YAP1: variants seen among roughly 807,000 people sequenced by gnomAD.
YAP1 encodes transcriptional coactivator YAP1.
A neutral mutation model predicts 56.9 loss-of-function variants in YAP1; 5 were observed. The observed-to-expected ratio is 0.09, with a 90% CI of 0.05 to 0.18. The LOEUF (loss-of-function observed/expected upper bound fraction) is 0.18. Among genes scored for constraint, YAP1 ranks in the 10% least tolerant of loss-of-function variants. The pLI is 1.00. For synonymous variants in YAP1, 265 were observed against 248.1 expected (o/e 1.07, Z -0.64); for missense variants, 539 against 651.8 (o/e 0.83, Z 1.88).
intron 8 of YAP1, among the ~76,000 whole-genome samples, chr11:102,228,888 G>T (rs950795988): frequency 2.0e-5 from 3 of 151,992 alleles, no homozygotes; most frequent in African/African-American, 7.3e-5. Flanking sequence ...TATTCATCCA[G>T]CTCCTGGCTT....
intron 3 of YAP1, 147 bp from the exon 4 acceptor site, chr11:102,185,871 T>C (rs1406904358): frequency 2.7e-6 from 2 of 744,244 alleles, no homozygotes; most frequent in Non-Finnish European, 4.0e-6. Flanking sequence ...TAGGTTTACC[T>C]TTCTTCTCTG....
intron 6 of YAP1, among the ~76,000 whole-genome samples, chr11:102,216,650 A>G (rs929547362): frequency 1.6e-4 from 24 of 152,194 alleles, no homozygotes; most frequent in Non-Finnish European, 2.6e-4. Context: ...TTTCAGTTGA[A>G]ACATTTCATG....
Position 102,202,029 on chromosome 11 carries a change from A to C in YAP1, c.803-3864A>C, listed in dbSNP as rs560517028. Among the ~76,000 whole-genome samples, 3 of 152,336 alleles carry C rather than the reference A, an allele frequency of 2.0e-5. No individual in the cohort carries two copies. The East Asian group carries it at 5.8e-4, about 29-fold the overall frequency. On this transcript the variant is annotated intron_variant, in intron 4 of 8. Transcript: ENST00000282441. ...AAAAAGATCCAGCTTGACCTGGTCA[A>C]ATATGGCACACTTTGAACATTGATC...
intron 3 of YAP1, 100 bp downstream of exon 3, chr11:102,162,671 A>G: frequency 8.8e-7 from 1 of 1,137,552 alleles, no homozygotes; most frequent in Non-Finnish European, 1.3e-6. Context: ...AAACTGGGAC[A>G]TGGTGATGTT....
intron 3 of YAP1, among the ~76,000 whole-genome samples, chr11:102,167,968 C>T (rs565878693): frequency 3.1e-4 from 47 of 152,178 alleles, no homozygotes; most frequent in African/African-American, 1.1e-3. Context: ...AGCTTGAGCC[C>T]ACGAGGTCAA....
At chr11:102,169,050 G>T (rs1445295747) in intron 3 of YAP1, among the ~76,000 whole-genome samples, 1 of 152,098 alleles carries the variant, frequency 6.6e-6, no homozygotes. Context: ...AAGACCAAGG[G>T]CTCTGGAAAT....
chr11:102,112,356 T>G (rs1318436704), intron 1 of YAP1: 4 of 954,342 alleles, frequency 4.2e-6, no homozygotes, highest in Admixed American at 6.2e-5. Context: ...AGTGTTAACA[T>G]TCCAATAGGT....
chr11:102,153,672 A>G (rs561026652), intron 2 of YAP1, among the ~76,000 whole-genome samples: 9 of 152,314 alleles, frequency 5.9e-5, no homozygotes, highest in East Asian at 3.9e-4. Flanking sequence ...AAGAATTTCA[A>G]TGAAACTCCT....
chr11:102,167,906 G>C (rs1416600096), intron 3 of YAP1, among the ~76,000 whole-genome samples: 2 of 152,056 alleles, frequency 1.3e-5, no homozygotes, highest in African/African-American at 4.8e-5. Flanking sequence ...GCCAGGCATG[G>C]TGGCCACACA....
chr11:102,227,746 A>G (rs770175088), intron 8 of YAP1, among the ~76,000 whole-genome samples, 165 bp downstream of exon 8: 1 of 152,122 alleles, frequency 6.6e-6, no homozygotes. Flanking sequence ...GTGATTTGTA[A>G]CTTGTCTTTT....
chr11:102,160,456 T>C (rs1946206034), intron 2 of YAP1, among the ~76,000 whole-genome samples: 5 of 152,244 alleles, frequency 3.3e-5, no homozygotes. Flanking sequence ...TTATGTATAT[T>C]ACATGTAGCT....
At chr11:102,122,591 G>C (rs1294799263) in intron 2 of YAP1, among the ~76,000 whole-genome samples, 1 of 151,904 alleles carries the variant, frequency 6.6e-6, no homozygotes, top group African/African-American at 2.4e-5. Flanking sequence ...AATACTGTAA[G>C]GTTTATAAAG....
At chr11:102,142,053 T>C (rs544606790) in intron 2 of YAP1, among the ~76,000 whole-genome samples, 14 of 152,356 alleles carry the variant, frequency 9.2e-5, no homozygotes, top group Non-Finnish European at 2.1e-4. Context: ...GTGTTTTTCA[T>C]GTAGAATAAA....
In YAP1 at chr11:102,111,177, C is replaced by G. The variant is rs546561034; in HGVS notation, c.321+8C>G. 6.2e-7 allele frequency: 1 copy of G among 1,612,140 alleles called. No homozygotes were observed. Among genetic ancestry groups the G allele is most frequent in the Non-Finnish European group, 8.5e-7 (1 of 1,179,506 alleles). On this transcript the variant is annotated splice_region_variant and intron_variant, in intron 1 of 8. Coordinates refer to ENST00000282441, the MANE Select transcript of YAP1 (RefSeq NM_001130145.3). ...AAATCCCACTCCCGACAGGTAACCT[C>G]GTTGCCCCTCTCCCCGTTTCCCCGT...
At chr11:102,130,720 C>CTTTTTT (rs61175592) in intron 2 of YAP1, among the ~76,000 whole-genome samples, 4 of 98,160 alleles carry the variant, frequency 4.1e-5, no homozygotes, top group Non-Finnish European at 6.1e-5. Context: ...GATAACTACT[C>CTTTTTT]TTTTTTTTTT....
At chr11:102,115,335 T>C (rs781161639) in intron 2 of YAP1, among the ~76,000 whole-genome samples, 4 of 152,230 alleles carry the variant, frequency 2.6e-5, no homozygotes, top group Non-Finnish European at 5.9e-5. Context: ...TAAGTTTTGA[T>C]TCGGATAGGT....
intron 6 of YAP1, among the ~76,000 whole-genome samples, chr11:102,221,935 A>C (rs1949954866): frequency 6.6e-6 from 1 of 152,158 alleles, no homozygotes; most frequent in Admixed American, 6.5e-5. Context: ...AAATTTAGCG[A>C]AAGTTAATGT....
At chr11:102,135,760 T>G (rs1246210791) in intron 2 of YAP1, among the ~76,000 whole-genome samples, 1 of 152,222 alleles carries the variant, frequency 6.6e-6, no homozygotes, top group Non-Finnish European at 1.5e-5. Flanking sequence ...CATTTTTAAT[T>G]TGCCACAGTT....
chr11:102,196,424 A>C (rs1459209496), intron 4 of YAP1, among the ~76,000 whole-genome samples: 1 of 152,176 alleles, frequency 6.6e-6, no homozygotes, highest in African/African-American at 2.4e-5. Flanking sequence ...TAAAACATGA[A>C]TAAATCTGGA....
Sources: allele counts gnomAD v4.1 joint callset (sites outside exome capture counted in the v4.1 genomes callset), GRCh38; gene constraint gnomAD v4.1.1; transcripts MANE v1.5; gene names NCBI Gene and HGNC (gene_info 2026-07-23, HGNC 2026-07-21).